The following SGCZ variants were observed in gnomAD, a reference collection of about 807,000 sequenced individuals.
The protein encoded by SGCZ is sarcoglycan zeta.
A neutral mutation model predicts 41.3 loss-of-function variants in SGCZ; 40 were observed. That is an observed-to-expected ratio of 0.97 (90% CI 0.75 to 1.26). SGCZ has a LOEUF of 1.26. Ranked by LOEUF, SGCZ falls within the 50% of genes most tolerant of loss-of-function variation. The pLI is 0.00. For missense variants in SGCZ, 552 were observed against 369.8 expected (o/e 1.49, Z -4.04); for synonymous variants, 206 against 137.5 (o/e 1.50, Z -3.49).
chr8:15,220,955 T>C (rs908743076), intron 1 of SGCZ, among the ~76,000 whole-genome samples: 4 of 151,966 alleles, frequency 2.6e-5, no homozygotes, highest in South Asian at 4.2e-4. Flanking sequence ...TGGGTGGGAA[T>C]TGAACAATGA....
At chr8:14,183,243 C>A (rs1804788573) in intron 4 of SGCZ, among the ~76,000 whole-genome samples, 1 of 151,546 alleles carries the variant, frequency 6.6e-6, no homozygotes, top group African/African-American at 2.4e-5. Flanking sequence ...CTGGATACTC[C>A]TGTAGTATTA....
chr8:14,664,464 C>T (rs1315188045), intron 1 of SGCZ, among the ~76,000 whole-genome samples: 1 of 152,124 alleles, frequency 6.6e-6, no homozygotes, highest in Non-Finnish European at 1.5e-5. Flanking sequence ...AATTTAACTG[C>T]TGTTTAGCAG....
intron 1 of SGCZ, among the ~76,000 whole-genome samples, chr8:14,826,010 C>T (rs1246605055): frequency 6.6e-6 from 1 of 151,844 alleles, no homozygotes; most frequent in Non-Finnish European, 1.5e-5. Context: ...CATATGTATA[C>T]ATGTGCCATG....
chr8:14,221,166 T>A (rs990688542), intron 4 of SGCZ, among the ~76,000 whole-genome samples: 4 of 152,222 alleles, frequency 2.6e-5, no homozygotes, highest in South Asian at 2.1e-4. Flanking sequence ...CAATGTCTTA[T>A]GTGTGTATGT....
intron 5 of SGCZ, among the ~76,000 whole-genome samples, chr8:14,123,938 T>TA (rs1802775630): frequency 6.6e-6 from 1 of 152,106 alleles, no homozygotes; most frequent in Admixed American, 6.6e-5. Context: ...GGCACAAGAA[T>TA]AGTCTGAGAC....
chr8:14,206,807 T>A (rs949142400), intron 4 of SGCZ, among the ~76,000 whole-genome samples: 8 of 152,184 alleles, frequency 5.3e-5, no homozygotes, highest in African/African-American at 1.9e-4. Flanking sequence ...TCTCTAGCCC[T>A]ATCTCTGTCA....
intron 1 of SGCZ, among the ~76,000 whole-genome samples, chr8:14,877,204 C>T (rs546940601): frequency 2.6e-5 from 4 of 152,226 alleles, no homozygotes; most frequent in African/African-American, 9.6e-5. Context: ...GATCTCCTGA[C>T]ATCATGATCC....
At chr8:14,472,921 G>C (rs1005972979) in intron 2 of SGCZ, among the ~76,000 whole-genome samples, 4 of 152,058 alleles carry the variant, frequency 2.6e-5, no homozygotes, top group Admixed American at 2.6e-4. Flanking sequence ...AACCACAAAA[G>C]TTACCCCCAT....
At chr8:14,564,166 C>T (rs1429059276) in intron 1 of SGCZ, among the ~76,000 whole-genome samples, 2 of 152,068 alleles carry the variant, frequency 1.3e-5, no homozygotes, top group African/African-American at 4.8e-5. Flanking sequence ...ATGAAGCTAG[C>T]ATTTGGCGTG....
intron 3 of SGCZ, among the ~76,000 whole-genome samples, chr8:14,283,101 G>A (rs993924522): frequency 1.3e-5 from 2 of 151,754 alleles, no homozygotes; most frequent in African/African-American, 2.4e-5. Context: ...CGCCCGCCTC[G>A]GCCTTCCAAA....
At chr8:14,983,746 C>G (rs544086279) in intron 1 of SGCZ, among the ~76,000 whole-genome samples, 10 of 152,236 alleles carry the variant, frequency 6.6e-5, no homozygotes, top group African/African-American at 2.4e-4. Flanking sequence ...CAGTGGCTTT[C>G]CTAAAACTAG....
intron 4 of SGCZ, among the ~76,000 whole-genome samples, chr8:14,197,085 A>G (rs1354204662): frequency 6.6e-6 from 1 of 152,176 alleles, no homozygotes; most frequent in African/African-American, 2.4e-5. Flanking sequence ...TACATTTAAA[A>G]TGAACATGTT....
At chr8:14,990,814 C>T (rs1801989315) in intron 1 of SGCZ, among the ~76,000 whole-genome samples, 1 of 151,998 alleles carries the variant, frequency 6.6e-6, no homozygotes, top group African/African-American at 2.4e-5. Context: ...ATCCCTGGTG[C>T]CAAAAGGGCT....
intron 2 of SGCZ, among the ~76,000 whole-genome samples, chr8:14,535,281 C>G (rs568946541): frequency 1.2e-3 from 177 of 151,284 alleles, no homozygotes; most frequent in African/African-American, 4.0e-3. Context: ...TCTATGTGGG[C>G]TAAAAGAAAG....
chr8:14,451,758 T>C (rs1340238961), intron 2 of SGCZ, among the ~76,000 whole-genome samples: 1 of 152,198 alleles, frequency 6.6e-6, no homozygotes, highest in Admixed American at 6.5e-5. Context: ...ACATTGTATA[T>C]CATTTAATAA....
chr8:15,216,463 G>C (rs1801407637), intron 1 of SGCZ, among the ~76,000 whole-genome samples: 1 of 151,870 alleles, frequency 6.6e-6, no homozygotes, highest in Non-Finnish European at 1.5e-5. Context: ...CTCATGATCT[G>C]CCCACCTGGG....
chr8:14,151,428 A>C (rs1803705921), intron 5 of SGCZ, among the ~76,000 whole-genome samples: 1 of 149,252 alleles, frequency 6.7e-6, no homozygotes, highest in African/African-American at 2.5e-5. Context: ...TGATTCCTGA[A>C]AGATACCAAA....
At chr8:14,877,239 T>A (rs1011171759) in intron 1 of SGCZ, among the ~76,000 whole-genome samples, 1 of 152,190 alleles carries the variant, frequency 6.6e-6, no homozygotes, top group African/African-American at 2.4e-5. Flanking sequence ...CTCAAAGTGC[T>A]GGGATTACCA....
intron 2 of SGCZ, among the ~76,000 whole-genome samples, chr8:14,418,545 T>C (rs1799557726): frequency 1.3e-5 from 2 of 151,966 alleles, no homozygotes; most frequent in Non-Finnish European, 2.9e-5. Flanking sequence ...AAATGGTTTG[T>C]CTCATTGTTT....
Sources: gnomAD v4.1 joint callset for allele counts (sites outside exome capture counted in the v4.1 genomes callset) on GRCh38, gnomAD v4.1.1 for gene constraint, MANE v1.5 for transcripts, NCBI Gene and HGNC (gene_info 2026-07-23, HGNC 2026-07-21) for gene names.